The following WDPCP variants were observed in gnomAD, a reference collection of about 807,000 sequenced individuals.
WDPCP encodes the protein WD repeat containing planar cell polarity effector.
WDPCP carries 71 observed loss-of-function variants against 93.1 expected under a neutral mutation model. The ratio of observed to expected loss-of-function variants is 0.76; its 90% CI spans 0.63 to 0.93. The LOEUF (loss-of-function observed/expected upper bound fraction) is 0.93. Ranked by LOEUF, WDPCP falls within the 40% of genes least tolerant of loss-of-function variation. The probability of loss-of-function intolerance (pLI) is 0.00; values close to 1 mark genes in which losing one functional copy is unlikely to be tolerated. For synonymous variants in WDPCP, 315 were observed against 315.0 expected (o/e 1.00, Z 0.00); for missense variants, 844 against 887.4 (o/e 0.95, Z 0.62).
chr2:63,129,887 G>A (rs887700177), intron 17 of WDPCP, among the ~76,000 whole-genome samples: 1 of 152,028 alleles, frequency 6.6e-6, no homozygotes, highest in African/African-American at 2.4e-5. Flanking sequence ...TAATTATTAT[G>A]TAAATCATTG....
At chr2:63,348,827 T>C (rs1689371721) in intron 12 of WDPCP, among the ~76,000 whole-genome samples, 1 of 152,210 alleles carries the variant, frequency 6.6e-6, no homozygotes, top group South Asian at 2.1e-4. Context: ...TCAACACTAC[T>C]GTTTAACCAA....
chr2:63,182,635 A>G lies in WDPCP; in HGVS notation c.1916-7803T>C, dbSNP rs555272719. ...TGTTGTGTGCTAGTCCGGCTTTAGT[A>G]TCAGAATAATACTGGCTCTGTAGAA... On this transcript the variant is annotated intron_variant, in intron 14 of 17. Coordinates refer to ENST00000272321, the MANE Select transcript of WDPCP (RefSeq NM_015910.7). Among the ~76,000 whole-genome samples, 6 of 152,104 alleles carry G rather than the reference A, an allele frequency of 3.9e-5. No individual in the cohort carries two copies. In the South Asian group the frequency reaches 8.3e-4, roughly 21 times the overall value.
intron 1 of WDPCP, among the ~76,000 whole-genome samples, chr2:63,572,943 C>G (rs1707639851): frequency 6.6e-6 from 1 of 151,836 alleles, no homozygotes; most frequent in Non-Finnish European, 1.5e-5. Flanking sequence ...AAGAGGATTT[C>G]TGCTCTTCAA....
chr2:63,400,533 G>A (rs1694069823), intron 10 of WDPCP, among the ~76,000 whole-genome samples: 1 of 152,118 alleles, frequency 6.6e-6, no homozygotes. Context: ...AAATTTACAA[G>A]AGAAAAACAA....
chr2:63,721,209 T>G (rs1669408413), intron 2 of WDPCP, among the ~76,000 whole-genome samples: 3 of 152,246 alleles, frequency 2.0e-5, no homozygotes. Context: ...TTGATTTATT[T>G]GTTTGCAAAT....
intron 14 of WDPCP, chr2:63,232,771 T>C (rs1265245785): frequency 6.5e-6 from 1 of 153,792 alleles, no homozygotes; most frequent in African/African-American, 2.4e-5. Context: ...TTGGAATATA[T>C]TTCTCTGGCT....
At chr2:63,768,542 T>G (rs1575768507) in intron 2 of WDPCP, among the ~76,000 whole-genome samples, 1 of 152,062 alleles carries the variant, frequency 6.6e-6, no homozygotes, top group African/African-American at 2.4e-5. Context: ...CCAAGCCAAT[T>G]CAATCAGAAT....
Position 63,440,092 on chromosome 2 carries a change from C to G in WDPCP, c.385-221G>C, listed in dbSNP as rs748760626. On this transcript the variant is annotated intron_variant, in intron 6 of 17. Coordinates refer to ENST00000272321, the MANE Select transcript of WDPCP (RefSeq NM_015910.7). ...AACACAATAAATGCATTGATTAAAGCTACATGCAGAAACCTAATTTAGGCC... is the reference window on the plus strand; with the variant it reads ...AACACAATAAATGCATTGATTAAAGGTACATGCAGAAACCTAATTTAGGCC... 41 of 482,272 alleles carry G rather than the reference C, an allele frequency of 8.5e-5. 1 individual carries two copies. Among genetic ancestry groups the G allele is most frequent in the Non-Finnish European group, 1.4e-4 (37 of 265,814 alleles). The allele number at this position is 482,272 out of a possible 1,614,324, so 29.9% of individuals were successfully genotyped here.
chr2:63,529,118 A>C (rs1052868695), intron 1 of WDPCP, among the ~76,000 whole-genome samples: 1 of 152,196 alleles, frequency 6.6e-6, no homozygotes, highest in Non-Finnish European at 1.5e-5. Context: ...TTTTGGGCTG[A>C]GACGAGGGGG....
intron 12 of WDPCP, among the ~76,000 whole-genome samples, chr2:63,322,354 C>T (rs868840255): frequency 2.6e-4 from 39 of 152,326 alleles, no homozygotes; most frequent in African/African-American, 7.2e-4. Flanking sequence ...GCAACCCGCT[C>T]GGGTCCCCTT....
chr2:63,535,199 A>G (rs554357953), intron 1 of WDPCP, among the ~76,000 whole-genome samples: 57 of 152,340 alleles, frequency 3.7e-4, no homozygotes, highest in African/African-American at 1.3e-3. Flanking sequence ...CCACTGCTCA[A>G]TGAAATAAAA....
At chr2:63,530,505 T>C (rs747244095) in intron 1 of WDPCP, among the ~76,000 whole-genome samples, 1 of 152,168 alleles carries the variant, frequency 6.6e-6, no homozygotes, top group Non-Finnish European at 1.5e-5. Context: ...TCCCCTCCTA[T>C]AATGCAGCCC....
intron 12 of WDPCP, among the ~76,000 whole-genome samples, chr2:63,313,913 C>T (rs1302635952): frequency 3.3e-4 from 4 of 12,076 alleles, no homozygotes; most frequent in African/African-American, 1.0e-3. Flanking sequence ...GATGGAGTCT[C>T]GCTCTGTCAC....
intron 13 of WDPCP, among the ~76,000 whole-genome samples, chr2:63,270,293 A>G (rs1167606579): frequency 1.3e-5 from 2 of 152,250 alleles, no homozygotes; most frequent in Non-Finnish European, 2.9e-5. Flanking sequence ...ATGTTAGAAT[A>G]AGCTTGTAGG....
At chr2:63,166,030 G>A (rs758653491) in intron 15 of WDPCP, among the ~76,000 whole-genome samples, 21 of 150,974 alleles carry the variant, frequency 1.4e-4, no homozygotes, top group Non-Finnish European at 2.7e-4. Flanking sequence ...TGTTTGTTTT[G>A]TTTTTTGCTT....
At chr2:63,354,688 ATGTG>A (rs937410017) in intron 12 of WDPCP, among the ~76,000 whole-genome samples, 3 of 150,922 alleles carry the variant, frequency 2.0e-5, no homozygotes, top group Middle Eastern at 3.4e-3. Context: ...GTGTACATAT[ATGTG>A]TGTGTATGTA....
At position 63,444,752 on chromosome 2, in the gene WDPCP, A is replaced by G. The variant is rs76117056; in HGVS notation, c.385-4881T>C. On this transcript the variant is annotated intron_variant, in intron 6 of 17. Transcript: ENST00000272321. Reference sequence around the variant, plus strand: ...ATCTCCCAACACTGTCCCAATTTGAATGTTGTTTAAATGTTGTGCAGGAGA... The same window carrying G: ...ATCTCCCAACACTGTCCCAATTTGAGTGTTGTTTAAATGTTGTGCAGGAGA... Among the ~76,000 whole-genome samples the G allele has an allele frequency of 2.6e-4, 40 of 152,290 alleles. 1 individual carries two copies. In the East Asian group the frequency reaches 7.7e-3, roughly 29 times the overall value.
At chr2:63,157,356 G>A (rs1483491636) in intron 15 of WDPCP, among the ~76,000 whole-genome samples, 1 of 151,770 alleles carries the variant, frequency 6.6e-6, no homozygotes, top group East Asian at 1.9e-4. Context: ...CCATGGGACT[G>A]CTTGATATCT....
intron 17 of WDPCP, among the ~76,000 whole-genome samples, chr2:63,127,993 G>T (rs1362391660): frequency 1.3e-5 from 2 of 151,924 alleles, no homozygotes; most frequent in Non-Finnish European, 2.9e-5. Flanking sequence ...AAACAAATTA[G>T]CCGGGTGTGG....
Sources: allele counts gnomAD v4.1 joint callset (sites outside exome capture counted in the v4.1 genomes callset), GRCh38; gene constraint gnomAD v4.1.1; transcripts MANE v1.5; gene names NCBI Gene and HGNC (gene_info 2026-07-23, HGNC 2026-07-21).